The following RBFOX1 variants were observed in gnomAD, a reference collection of about 807,000 sequenced individuals.
RBFOX1 encodes RNA binding protein fox-1 homolog 1.
A neutral mutation model predicts 57.7 loss-of-function variants in RBFOX1; 8 were observed. The ratio of observed to expected loss-of-function variants is 0.14; its 90% CI spans 0.08 to 0.25. The LOEUF is 0.25. RBFOX1 is among the 10% of genes least tolerant of loss of function. The pLI, the probability that RBFOX1 is intolerant of heterozygous loss-of-function variation, is 1.00. For synonymous variants in RBFOX1, 326 were observed against 222.4 expected, an observed-to-expected ratio of 1.47 and a Z score of -4.15; for missense variants, 611 against 548.5, an observed-to-expected ratio of 1.11 and a Z score of -1.14.
At chr16:6,879,914 ATAT>A (rs1567688390) in intron 3 of RBFOX1, among the ~76,000 whole-genome samples, 1 of 152,190 alleles carries the variant, frequency 6.6e-6, no homozygotes, top group South Asian at 2.1e-4. Flanking sequence ...TTCTTTTAAA[ATAT>A]TATTTAAATT....
At chr16:6,571,419 G>A (rs1021507204) in intron 2 of RBFOX1, among the ~76,000 whole-genome samples, 27 of 152,204 alleles carry the variant, frequency 1.8e-4, no homozygotes, top group African/African-American at 5.3e-4. Context: ...GTGATCTATG[G>A]CAGAGACCCA....
chr16:7,045,913 C>G (rs914371763), intron 3 of RBFOX1, among the ~76,000 whole-genome samples: 2 of 152,146 alleles, frequency 1.3e-5, no homozygotes, highest in East Asian at 1.9e-4. Context: ...CCACCTCGGC[C>G]TCCCAAAGTG....
In RBFOX1 at chr16:6,752,881, C is replaced by G. The variant is rs145853369; in HGVS notation, c.-16+98231C>G. 4.0e-5 allele frequency among the ~76,000 whole-genome samples: 6 copies of G among 151,534 alleles called. No homozygotes were observed. The East Asian group carries it at 7.8e-4, about 20-fold the overall frequency. On this transcript the variant is annotated intron_variant, in intron 3 of 15. Transcript: ENST00000550418. ...CCTCTCTGCTCACATATTGCAGTTC[C>G]TCTGTTCTCCCAGAGAATTTTTATC... is the stretch of plus-strand genomic sequence containing the variant.
chr16:6,165,753 C>T (rs2152753859), intron 1 of RBFOX1, among the ~76,000 whole-genome samples: 1 of 152,316 alleles, frequency 6.6e-6, no homozygotes, highest in South Asian at 2.1e-4. Context: ...CATTTTTGTT[C>T]AGCTCCTTCA....
chr16:7,345,340 C>T (rs1483110394), intron 4 of RBFOX1, among the ~76,000 whole-genome samples: 1 of 152,152 alleles, frequency 6.6e-6, no homozygotes, highest in Non-Finnish European at 1.5e-5. Context: ...GAGGTTTTGA[C>T]AGAACATGTG....
intron 4 of RBFOX1, among the ~76,000 whole-genome samples, chr16:7,308,114 C>A (rs886534370): frequency 2.0e-5 from 3 of 152,064 alleles, no homozygotes; most frequent in Non-Finnish European, 4.4e-5. Flanking sequence ...TAGAAAACAG[C>A]CACACACACA....
intron 1 of RBFOX1, among the ~76,000 whole-genome samples, chr16:6,294,953 G>A (rs1482091639): frequency 6.6e-6 from 1 of 152,072 alleles, no homozygotes; most frequent in Non-Finnish European, 1.5e-5. Context: ...AATTTGCTGT[G>A]TTATTCTTCC....
intron 4 of RBFOX1, among the ~76,000 whole-genome samples, chr16:5,996,705 G>A (rs537641707): frequency 6.6e-6 from 1 of 152,210 alleles, no homozygotes; most frequent in South Asian, 2.1e-4. Context: ...CAGGTAGAGA[G>A]AACTGTGGGA....
chr16:6,485,320 G>A (rs536072811), intron 2 of RBFOX1, among the ~76,000 whole-genome samples: 37 of 152,192 alleles, frequency 2.4e-4, no homozygotes, highest in African/African-American at 8.4e-4. Flanking sequence ...AGGGGGACAT[G>A]TAGAAGGAGC....
chr16:7,653,489 G>A (rs2065558596), intron 11 of RBFOX1, among the ~76,000 whole-genome samples: 1 of 152,134 alleles, frequency 6.6e-6, no homozygotes. Flanking sequence ...CTGGGTGACA[G>A]AGCCAGTCCC....
chr16:5,803,579 C>T (rs1251411929), intron 3 of RBFOX1, among the ~76,000 whole-genome samples: 2 of 152,204 alleles, frequency 1.3e-5, no homozygotes, highest in Non-Finnish European at 2.9e-5. Context: ...TTCATTCTCT[C>T]ACTCCACAAA....
At chr16:5,338,496 G>T (rs926763880) in intron 1 of RBFOX1, among the ~76,000 whole-genome samples, 1 of 152,200 alleles carries the variant, frequency 6.6e-6, no homozygotes, top group Non-Finnish European at 1.5e-5. Flanking sequence ...CTGAAGACCA[G>T]AGATCCTGAA....
At chr16:6,864,773 C>T (rs889834949) in intron 3 of RBFOX1, among the ~76,000 whole-genome samples, 2 of 151,778 alleles carry the variant, frequency 1.3e-5, no homozygotes, top group Admixed American at 6.6e-5. Context: ...TGTCTTTTTC[C>T]TCTAATGTGG....
chr16:6,953,451 T>C (rs2081167674), intron 3 of RBFOX1, among the ~76,000 whole-genome samples: 1 of 152,100 alleles, frequency 6.6e-6, no homozygotes, highest in East Asian at 1.9e-4. Context: ...AGTGGTGCAG[T>C]CTCAGCTCAC....
rs549791340 is a variant in RBFOX1 at position 6,497,662 on chromosome 16, T to C, written c.-63-156941T>C. On this transcript the variant is annotated intron_variant, in intron 2 of 15. Coordinates refer to ENST00000550418, the MANE Select transcript of RBFOX1 (RefSeq NM_018723.4). ...ACCTCTGCCTCCCAGGTTCAAGTGATTGTCCTGCCTCAGCCTCCTGAGTAG... is the reference window on the plus strand; with the variant it reads ...ACCTCTGCCTCCCAGGTTCAAGTGACTGTCCTGCCTCAGCCTCCTGAGTAG... 3.3e-5 allele frequency among the ~76,000 whole-genome samples: 5 copies of C among 152,112 alleles called. No individual in the cohort carries two copies. In the South Asian group the frequency reaches 1.0e-3, roughly 32 times the overall value.
At chr16:6,020,080 C>A in intron 1 of RBFOX1, 88 bp downstream of exon 1, 2 of 1,314,956 alleles carry the variant, frequency 1.5e-6, no homozygotes, top group Non-Finnish European at 2.0e-6. Flanking sequence ...GCGCTAGGTC[C>A]CCGAGAACTG....
intron 1 of RBFOX1, among the ~76,000 whole-genome samples, chr16:6,127,681 T>C (rs1365155315): frequency 6.6e-6 from 1 of 152,192 alleles, no homozygotes; most frequent in Non-Finnish European, 1.5e-5. Flanking sequence ...GTTCACATCA[T>C]AGATTTAGAA....
intron 1 of RBFOX1, among the ~76,000 whole-genome samples, chr16:5,273,792 T>C (rs913003518): frequency 1.3e-5 from 2 of 152,132 alleles, no homozygotes; most frequent in African/African-American, 4.8e-5. Context: ...CATGAGCAGC[T>C]GGAAGAATGG....
At chr16:5,665,675 G>C (rs11649353) in intron 3 of RBFOX1, among the ~76,000 whole-genome samples, 93,691 of 152,044 alleles carry the variant, frequency 0.62, 29,961 homozygotes, top group Non-Finnish European at 0.71. Context: ...TGAATGTGTG[G>C]CTGGATTCCC....
Sources: gnomAD v4.1 joint callset for allele counts (sites outside exome capture counted in the v4.1 genomes callset) on GRCh38, gnomAD v4.1.1 for gene constraint, MANE v1.5 for transcripts, NCBI Gene and HGNC (gene_info 2026-07-23, HGNC 2026-07-21) for gene names.